Variants in TMTC1 observed in about 807,000 individuals in gnomAD.
TMTC1 encodes the protein protein O-mannosyl-transferase TMTC1.
In TMTC1, 73 loss-of-function variants were observed where a neutral mutation model predicts 104.8. The ratio of observed to expected loss-of-function variants is 0.70; its 90% CI spans 0.58 to 0.85. The LOEUF is 0.85. TMTC1 is among the 40% of genes least tolerant of loss of function. The probability of loss-of-function intolerance (pLI) is 0.00; values close to 1 mark genes in which losing one functional copy is unlikely to be tolerated. For missense variants in TMTC1, 1,035 were observed against 1,096.1 expected, an observed-to-expected ratio of 0.94 and a Z score of 0.79; for synonymous variants, 434 against 428.7, an observed-to-expected ratio of 1.01 and a Z score of -0.15.
intron 5 of TMTC1, among the ~76,000 whole-genome samples, chr12:29,641,512 A>C (rs1249775242): frequency 6.6e-6 from 1 of 152,160 alleles, no homozygotes. Flanking sequence ...AGTTTGGCTC[A>C]CAGGAAGCCA....
chr12:29,574,237 C>CT (rs1356798997), intron 8 of TMTC1, among the ~76,000 whole-genome samples: 3 of 151,476 alleles, frequency 2.0e-5, no homozygotes, highest in East Asian at 2.0e-4. Flanking sequence ...CCTTCTTCTT[C>CT]TTTTTTTAAA....
At chr12:29,548,829 T>TC (rs1565662657) in intron 10 of TMTC1, among the ~76,000 whole-genome samples, 1 of 107,000 alleles carries the variant, frequency 9.3e-6, no homozygotes, top group African/African-American at 6.1e-5. Flanking sequence ...TATTGCTTGA[T>TC]TATATCACTT....
chr12:29,634,261 T>A (rs2136512368), intron 5 of TMTC1, among the ~76,000 whole-genome samples: 1 of 152,324 alleles, frequency 6.6e-6, no homozygotes, highest in South Asian at 2.1e-4. Flanking sequence ...TACTTAATTC[T>A]TACAACACAG....
chr12:29,717,583 T>C (rs1252877011), intron 5 of TMTC1, among the ~76,000 whole-genome samples: 1 of 152,230 alleles, frequency 6.6e-6, no homozygotes. Flanking sequence ...TAAAAACTAA[T>C]CATTAGCTTA....
chr12:29,613,392 C>A (rs931279311), intron 6 of TMTC1, among the ~76,000 whole-genome samples: 3 of 152,138 alleles, frequency 2.0e-5, no homozygotes, highest in African/African-American at 7.2e-5. Flanking sequence ...GTGCTGGGAA[C>A]CTGTCTGAGG....
At chr12:29,608,362 G>A (rs1946757316) in intron 6 of TMTC1, among the ~76,000 whole-genome samples, 1 of 152,116 alleles carries the variant, frequency 6.6e-6, no homozygotes, top group African/African-American at 2.4e-5. Flanking sequence ...GGAAATTCAT[G>A]GTATTTTCCA....
At chr12:29,736,185 A>T (rs1942668117) in intron 5 of TMTC1, among the ~76,000 whole-genome samples, 1 of 151,412 alleles carries the variant, frequency 6.6e-6, no homozygotes, top group Non-Finnish European at 1.5e-5. Flanking sequence ...CTGAGGAGAC[A>T]GCAAAGGCAA....
At chr12:29,656,391 G>A (rs982023263) in intron 5 of TMTC1, among the ~76,000 whole-genome samples, 49 of 132,650 alleles carry the variant, frequency 3.7e-4, no homozygotes, top group Middle Eastern at 4.3e-3. Context: ...ACAGAGTCTC[G>A]CTCTGTCACC....
At chr12:29,658,653 C>T (rs1939870965) in intron 5 of TMTC1, 1 of 209,576 alleles carries the variant, frequency 4.8e-6, no homozygotes, top group South Asian at 8.6e-5. Context: ...CCTTCCTTTT[C>T]GAACAGGAAC....
intron 10 of TMTC1, among the ~76,000 whole-genome samples, chr12:29,556,255 T>G (rs1945243606): frequency 6.6e-6 from 1 of 152,206 alleles, no homozygotes; most frequent in South Asian, 2.1e-4. Context: ...CTAGAGGTTA[T>G]GTCTGAGAAT....
chr12:29,606,982 C>T (rs1009561523), intron 6 of TMTC1, among the ~76,000 whole-genome samples: 2 of 143,742 alleles, frequency 1.4e-5, no homozygotes, highest in African/African-American at 5.1e-5. Flanking sequence ...TGCCCCCCCC[C>T]CTCACTCACG....
intron 6 of TMTC1, among the ~76,000 whole-genome samples, chr12:29,622,550 G>A (rs1007434601): frequency 4.6e-5 from 7 of 152,112 alleles, no homozygotes; most frequent in Non-Finnish European, 1.0e-4. Context: ...TTCTCCTGGG[G>A]CATACACACT....
chr12:29,755,884 T>A lies in TMTC1; in HGVS notation c.556A>T (p.Ser186Cys), dbSNP rs1300385995. ...CCCCCAACACAGCCCTGATCCAGAC[T>A]CCTGAAAAACAAGTTGGAGATTCTT... ...FLLAFLSYNR[S>C]LDQGCVGGSF... The change falls in exon 4 of 18, where the codon AGT becomes TGT. Residue 186 changes from serine (S) to cysteine (C), a missense_variant and splice_region_variant. Coordinates refer to ENST00000539277, the MANE Select transcript of TMTC1 (RefSeq NM_001193451.2). The A allele has an allele frequency of 6.2e-7, 1 of 1,611,600 alleles. No homozygotes were observed. Among genetic ancestry groups the A allele is most frequent in the Non-Finnish European group, 8.5e-7 (1 of 1,179,324 alleles).
At position 29,578,051 on chromosome 12, in the gene TMTC1, T is replaced by A. The variant is rs534481223; in HGVS notation, c.1418+5356A>T. ...CAACTGGCATATTTATTGAAATTGATCCTTTTCTCTGTGTGATTAGCACAG... is the reference window on the plus strand; with the variant it reads ...CAACTGGCATATTTATTGAAATTGAACCTTTTCTCTGTGTGATTAGCACAG... On this transcript the variant is annotated intron_variant, in intron 8 of 17. Transcript: ENST00000539277. Among the ~76,000 whole-genome samples, 7 of 152,168 alleles carry A rather than the reference T, an allele frequency of 4.6e-5. No individual in the cohort carries two copies. The South Asian group carries it at 1.5e-3, about 32-fold the overall frequency.
intron 5 of TMTC1, among the ~76,000 whole-genome samples, chr12:29,730,939 AG>A (rs1407272938): frequency 6.6e-6 from 1 of 152,220 alleles, no homozygotes; most frequent in African/African-American, 2.4e-5. Context: ...AAGTCACAGC[AG>A]GTTCCCTTGC....
At chr12:29,574,906 C>T (rs11050292) in intron 8 of TMTC1, among the ~76,000 whole-genome samples, 28,616 of 152,136 alleles carry the variant, frequency 0.19, 3,143 homozygotes, top group East Asian at 0.38. Context: ...GGAGGGCCAG[C>T]AGCAAGAATA....
chr12:29,749,960 GCCT>G (rs1282725231), intron 5 of TMTC1, among the ~76,000 whole-genome samples: 1 of 151,832 alleles, frequency 6.6e-6, no homozygotes, highest in African/African-American at 2.4e-5. Flanking sequence ...TTGTGTGAAA[GCCT>G]CCTAACCCTT....
At chr12:29,739,125 C>G (rs1030553052) in intron 5 of TMTC1, among the ~76,000 whole-genome samples, 5 of 152,172 alleles carry the variant, frequency 3.3e-5, no homozygotes, top group Non-Finnish European at 7.3e-5. Context: ...ACATAGGAAT[C>G]TAATTCAGAT....
In TMTC1 at chr12:29,783,885, G is replaced by A. The variant is rs1196004161; in HGVS notation, c.-134C>T. On this transcript the variant is annotated 5_prime_UTR_variant, in exon 1 of 18. Coordinates refer to ENST00000539277, the MANE Select transcript of TMTC1 (RefSeq NM_001193451.2). The surrounding 1 kb of genome is among the most constrained non-coding windows in gnomAD (Gnocchi z 4.7). ...GTGCTGCGGCAGCTGGACCCGCCGC[G>A]AGCTCCCCGCGCTCCGCCGCCGCCT... 1.1e-6 allele frequency: 1 copy of A among 881,730 alleles called. No individual in the cohort carries two copies. Among genetic ancestry groups the A allele is most frequent in the Non-Finnish European group, 1.4e-6 (1 of 722,000 alleles). 54.6% of individuals were successfully genotyped at this position (881,730 alleles called of 1,614,324 possible).
Sources: allele counts gnomAD v4.1 joint callset (sites outside exome capture counted in the v4.1 genomes callset), GRCh38; gene constraint gnomAD v4.1.1; non-coding constraint Gnocchi (gnomAD v3.1); transcripts MANE v1.5; gene names NCBI Gene and HGNC (gene_info 2026-07-23, HGNC 2026-07-21).